Variants in PDLIM5 observed in about 807,000 individuals in gnomAD.
The protein encoded by PDLIM5 is PDZ and LIM domain protein 5.
In PDLIM5, 34 loss-of-function variants were observed where a neutral mutation model predicts 64.2. That is an observed-to-expected ratio of 0.53 (90% CI 0.40 to 0.71). The LOEUF is 0.71. Ranked by LOEUF, PDLIM5 falls within the 30% of genes least tolerant of loss-of-function variation. The pLI, the probability that PDLIM5 is intolerant of heterozygous loss-of-function variation, is 0.00. For missense variants in PDLIM5, 683 were observed against 733.6 expected (o/e 0.93, Z 0.80); for synonymous variants, 253 against 269.1 (o/e 0.94, Z 0.59).
chr4:94,637,942 A>T (rs1740698416), intron 8 of PDLIM5, among the ~76,000 whole-genome samples: 1 of 152,180 alleles, frequency 6.6e-6, no homozygotes. Flanking sequence ...GGAAGGACAG[A>T]CCTGAGAAAG....
At chr4:94,467,656 A>G (rs536413999) in intron 2 of PDLIM5, among the ~76,000 whole-genome samples, 5 of 152,248 alleles carry the variant, frequency 3.3e-5, no homozygotes, top group African/African-American at 9.6e-5. Context: ...CTTGTTTTCA[A>G]TCCTAATCAG....
At chr4:94,455,804 G>T in intron 2 of PDLIM5, 1 of 1,508,760 alleles carries the variant, frequency 6.6e-7, no homozygotes. Context: ...GATTGTTTCG[G>T]AATTATTTCC....
In PDLIM5 at chr4:94,482,350, T is replaced by G. The variant is rs1325757258; in HGVS notation, c.96+26966T>G. Reference sequence around the variant, plus strand: ...GCACCCAGCCCAATTTTGGTTAAGTTTAAGACCTTTTGAGATTAACTAATA... The same window carrying G: ...GCACCCAGCCCAATTTTGGTTAAGTGTAAGACCTTTTGAGATTAACTAATA... On this transcript the variant is annotated intron_variant, in intron 2 of 12. Coordinates refer to ENST00000317968, the MANE Select transcript of PDLIM5 (RefSeq NM_006457.5). Among the ~76,000 whole-genome samples the G allele has an allele frequency of 2.0e-5, 3 of 152,128 alleles. 1 individual carries two copies. The highest frequency in any genetic ancestry group is 1.3e-4 in the Admixed American group (2 of 15,268).
intron 5 of PDLIM5, chr4:94,582,454 G>A (rs1314913424): frequency 6.3e-5 from 23 of 364,532 alleles, no homozygotes; most frequent in Middle Eastern, 1.5e-3. Flanking sequence ...TGGGATGGGG[G>A]AACAAAACTG....
intron 2 of PDLIM5, among the ~76,000 whole-genome samples, chr4:94,522,874 TG>T (rs1258698096): frequency 9.2e-5 from 14 of 152,216 alleles, no homozygotes; most frequent in African/African-American, 3.4e-4. Context: ...TTATACTTAC[TG>T]AATGCTGAGC....
chr4:94,556,055 C>T (rs1312681490), intron 3 of PDLIM5, among the ~76,000 whole-genome samples: 1 of 148,836 alleles, frequency 6.7e-6, no homozygotes, highest in East Asian at 2.0e-4. Context: ...TCCCTCCCGC[C>T]TCCCCCCACC....
intron 7 of PDLIM5, among the ~76,000 whole-genome samples, chr4:94,612,669 G>A (rs1738473543): frequency 6.6e-6 from 1 of 152,102 alleles, no homozygotes; most frequent in Non-Finnish European, 1.5e-5. Context: ...AAAATATAGT[G>A]TGATATTGAG....
intron 2 of PDLIM5, among the ~76,000 whole-genome samples, chr4:94,507,530 A>G (rs555165351): frequency 6.6e-6 from 1 of 152,356 alleles, no homozygotes; most frequent in East Asian, 1.9e-4. Context: ...TAAGGCACTC[A>G]TTAACCATTT....
intron 3 of PDLIM5, among the ~76,000 whole-genome samples, chr4:94,534,698 C>G (rs570904262): frequency 1.2e-4 from 19 of 152,174 alleles, no homozygotes; most frequent in Non-Finnish European, 1.8e-4. Flanking sequence ...TCCTTTCTTC[C>G]TATTTCCCTC....
In PDLIM5 at chr4:94,495,100, A is replaced by G. The variant is rs1370475647; in HGVS notation, c.97-28624A>G. Among the ~76,000 whole-genome samples the G allele has an allele frequency of 3.9e-5, 6 of 152,170 alleles. No homozygotes were observed. The East Asian group carries it at 5.8e-4, about 15-fold the overall frequency. On this transcript the variant is annotated intron_variant, in intron 2 of 12. Coordinates refer to ENST00000317968, the MANE Select transcript of PDLIM5 (RefSeq NM_006457.5). ...TCTAGAACTGACCACTGTTTCTGAC[A>G]TATAATAGTGGTTCTCCTTAACACT...
intron 9 of PDLIM5, among the ~76,000 whole-genome samples, chr4:94,648,434 C>T (rs186495880): frequency 6.6e-6 from 1 of 152,176 alleles, no homozygotes; most frequent in African/African-American, 2.4e-5. Flanking sequence ...ATTCTCCTGC[C>T]TTGGCCTCCT....
rs62316471 is a variant in PDLIM5 at position 94,578,316 on chromosome 4, A to G, written c.710+2282A>G. Among the ~76,000 whole-genome samples the G allele has an allele frequency of 1.0e-2, 1,518 of 152,330 alleles. 14 individuals are homozygous for G. Among genetic ancestry groups the G allele is most frequent in the Non-Finnish European group, 0.014 (926 of 68,018 alleles). On this transcript the variant is annotated intron_variant, in intron 5 of 12. Coordinates refer to ENST00000317968, the MANE Select transcript of PDLIM5 (RefSeq NM_006457.5). ...AACTAGGCAGTATTATAGAGCCTTTATGATGGCTTCTTAATCAATTGGCAG... is the reference window on the plus strand; with the variant it reads ...AACTAGGCAGTATTATAGAGCCTTTGTGATGGCTTCTTAATCAATTGGCAG...
At chr4:94,512,799 A>G (rs1051754028) in intron 2 of PDLIM5, among the ~76,000 whole-genome samples, 1 of 151,938 alleles carries the variant, frequency 6.6e-6, no homozygotes, top group African/African-American at 2.4e-5. Flanking sequence ...TGCCGAAGAA[A>G]TTTTTGCCCA....
At chr4:94,452,743 A>T (rs1722972670) in intron 1 of PDLIM5, among the ~76,000 whole-genome samples, 1 of 152,140 alleles carries the variant, frequency 6.6e-6, no homozygotes, top group African/African-American at 2.4e-5. Context: ...GGCAGGGCAG[A>T]TTTAGGGTGT....
intron 5 of PDLIM5, chr4:94,579,470 T>TAA: frequency 2.1e-6 from 2 of 963,038 alleles, no homozygotes; most frequent in Non-Finnish European, 1.5e-6. Context: ...CTTGGAAGAT[T>TAA]AAAAAAAAAT....
At chr4:94,465,185 G>A (rs980005563) in intron 2 of PDLIM5, among the ~76,000 whole-genome samples, 1 of 151,944 alleles carries the variant, frequency 6.6e-6, no homozygotes, top group Non-Finnish European at 1.5e-5. Flanking sequence ...TCTTCCTCTA[G>A]GAACATTCAT....
intron 2 of PDLIM5, among the ~76,000 whole-genome samples, chr4:94,498,066 C>A (rs2126128747): frequency 6.6e-6 from 1 of 152,278 alleles, no homozygotes; most frequent in African/African-American, 2.4e-5. Flanking sequence ...AGATATTCAG[C>A]CAGTAATCCA....
chr4:94,635,542 A>C (rs1481335156), intron 8 of PDLIM5, among the ~76,000 whole-genome samples: 2 of 152,194 alleles, frequency 1.3e-5, no homozygotes, highest in Admixed American at 6.5e-5. Context: ...TCTACATAGA[A>C]GTAAATGGTT....
At chr4:94,620,832 C>T (rs938741815) in intron 8 of PDLIM5, among the ~76,000 whole-genome samples, 1 of 151,614 alleles carries the variant, frequency 6.6e-6, no homozygotes, top group African/African-American at 2.4e-5. Context: ...CTGAGGCGGG[C>T]GGATCACGAG....
Sources: gnomAD v4.1 joint callset for allele counts (sites outside exome capture counted in the v4.1 genomes callset) on GRCh38, gnomAD v4.1.1 for gene constraint, MANE v1.5 for transcripts, NCBI Gene and HGNC (gene_info 2026-07-23, HGNC 2026-07-21) for gene names.